The following SPRTN variants were observed in gnomAD, a reference collection of about 807,000 sequenced individuals.
SPRTN encodes the protein SprT-like N-terminal domain.
In SPRTN, 11 loss-of-function variants were observed where a neutral mutation model predicts 31.9. That is an observed-to-expected ratio of 0.34 (90% CI 0.22 to 0.57). The LOEUF is 0.57. SPRTN is among the 20% of genes least tolerant of loss of function. The pLI, the probability that SPRTN is intolerant of heterozygous loss-of-function variation, is 0.86. For synonymous variants in SPRTN, 185 were observed against 212.1 expected (o/e 0.87, Z 1.11); for missense variants, 482 against 590.1 (o/e 0.82, Z 1.90).
chr1:231,339,885 C>T lies in SPRTN; in HGVS notation c.321+17C>T. On this transcript the variant is annotated intron_variant, in intron 2 of 4. Transcript: ENST00000295050. ...CTTGTAGAGGTATTTTTCGTGTAAA[C>T]TTGCTTCCTAGCGCAGTAATTTACA... The T allele has an allele frequency of 6.2e-7, 1 of 1,610,336 alleles. No homozygotes were observed. Among genetic ancestry groups the T allele is most frequent in the African/African-American group, 1.3e-5 (1 of 74,940 alleles).
At chr1:231,343,786 C>T (rs1420217432) in intron 2 of SPRTN, among the ~76,000 whole-genome samples, 1 of 151,844 alleles carries the variant, frequency 6.6e-6, no homozygotes, top group Non-Finnish European at 1.5e-5. Context: ...ATCACTCCTG[C>T]GATTAAAACA....
chr1:231,353,881 C>A lies in SPRTN; in HGVS notation c.*520C>A. The A allele has an allele frequency of 1.1e-6, 1 of 946,102 alleles. No individual in the cohort carries two copies. Among genetic ancestry groups the A allele is most frequent in the South Asian group, 4.9e-5 (1 of 20,526 alleles). The allele number at this position is 946,102 out of a possible 1,614,324, so 58.6% of individuals were successfully genotyped here. On this transcript the variant is annotated 3_prime_UTR_variant, in exon 5 of 5. Coordinates refer to ENST00000295050, the MANE Select transcript of SPRTN (RefSeq NM_032018.7). ...TTATTAATTTTTTTGTTTGCAAAAT[C>A]TTAACAGGAACTGTATTTTCTATAT...
Position 231,353,590 on chromosome 1 carries a change from C to G in SPRTN, c.*229C>G. ...CCTTAGGTATACTGTAACCCAGGTT[C>G]TGCCTGTCGTGTATAAGTTTTAGAT... On this transcript the variant is annotated 3_prime_UTR_variant, in exon 5 of 5. Coordinates refer to ENST00000295050, the MANE Select transcript of SPRTN (RefSeq NM_032018.7). 1 of 1,194,562 alleles carries G rather than the reference C, an allele frequency of 8.4e-7. No individual in the cohort carries two copies. The highest frequency in any genetic ancestry group is 1.0e-6 in the Non-Finnish European group (1 of 963,096). The allele number at this position is 1,194,562 out of a possible 1,614,324, so 74.0% of individuals were successfully genotyped here.
chr1:231,340,712 C>T (rs1686855824), intron 2 of SPRTN, among the ~76,000 whole-genome samples: 1 of 151,874 alleles, frequency 6.6e-6, no homozygotes, highest in South Asian at 2.1e-4. Context: ...GCAGGAGGAT[C>T]TCTTGAACCC....
At chr1:231,342,440 T>C (rs1686922130) in intron 2 of SPRTN, among the ~76,000 whole-genome samples, 1 of 152,120 alleles carries the variant, frequency 6.6e-6, no homozygotes, top group Non-Finnish European at 1.5e-5. Flanking sequence ...TTTTATTTTT[T>C]GTTTTTTGAG....
chr1:231,342,883 C>T (rs776364803), intron 2 of SPRTN, among the ~76,000 whole-genome samples: 6 of 151,560 alleles, frequency 4.0e-5, no homozygotes, highest in African/African-American at 9.7e-5. Flanking sequence ...TACAGGCACC[C>T]GCCACCATGC....
chr1:231,338,952 C>T (rs777769016), intron 1 of SPRTN, among the ~76,000 whole-genome samples: 7 of 152,242 alleles, frequency 4.6e-5, no homozygotes, highest in East Asian at 1.9e-4. Flanking sequence ...ACCAAATCTG[C>T]ACCTAAGAAA....
Position 231,353,857 on chromosome 1 carries a change from TATTA to T in SPRTN, c.*500_*503del, listed in dbSNP as rs1687315389. 9.4e-6 allele frequency: 9 copies of T among 955,046 alleles called. No homozygotes were observed. The highest frequency in any genetic ancestry group is 1.1e-5 in the Non-Finnish European group (9 of 802,282). The allele number at this position is 955,046 out of a possible 1,614,324, so 59.2% of individuals were successfully genotyped here. A position where few individuals can be genotyped will look rare whatever the true frequency, so the allele number is the denominator to read the frequency against. On this transcript the variant is annotated 3_prime_UTR_variant, in exon 5 of 5. Coordinates refer to ENST00000295050, the MANE Select transcript of SPRTN (RefSeq NM_032018.7). Reference sequence around the variant, plus strand: ...TTTAGAGTACTCAAATTGTATTATTTATTAATTTTTTTGTTTGCAAAATCTTAAC... The same window carrying T: ...TTTAGAGTACTCAAATTGTATTATTTATTTTTTTGTTTGCAAAATCTTAAC...
chr1:231,353,632 G>T lies in SPRTN; in HGVS notation c.*271G>T. 3.7e-6 allele frequency: 4 copies of T among 1,089,666 alleles called. No homozygotes were observed. The highest frequency in any genetic ancestry group is 5.6e-5 in the East Asian group (1 of 17,784). The allele number at this position is 1,089,666 out of a possible 1,614,324, so 67.5% of individuals were successfully genotyped here. A position where few individuals can be genotyped will look rare whatever the true frequency, so the allele number is the denominator to read the frequency against. ...GTTTTAGATACTTTTGTTCTTTCTT[G>T]CTCTTAAGGATTTTAAAAACCTGTT... On this transcript the variant is annotated 3_prime_UTR_variant, in exon 5 of 5. Coordinates refer to ENST00000295050, the MANE Select transcript of SPRTN (RefSeq NM_032018.7).
At chr1:231,343,325 G>GTATA (rs139643266) in intron 2 of SPRTN, among the ~76,000 whole-genome samples, 13 of 148,196 alleles carry the variant, frequency 8.8e-5, no homozygotes, top group African/African-American at 3.0e-4. Flanking sequence ...CTAGGTGTGT[G>GTATA]TATATATATA....
At chr1:231,351,217 A>G in intron 3 of SPRTN, 87 bp from the exon 4 acceptor site, 1 of 1,175,882 alleles carries the variant, frequency 8.5e-7, no homozygotes, top group Non-Finnish European at 1.1e-6. Flanking sequence ...AAAAAAAAAA[A>G]AAAAAAAAAA....
At chr1:231,347,196 G>A (rs529857891) in intron 2 of SPRTN, among the ~76,000 whole-genome samples, 16 of 152,240 alleles carry the variant, frequency 1.1e-4, no homozygotes, top group African/African-American at 2.6e-4. Context: ...CTGAAAATCC[G>A]CAATGCTCCA....
In SPRTN at chr1:231,354,379, C is replaced by A. The variant is rs780459299; in HGVS notation, c.*1018C>A. Reference sequence around the variant, plus strand: ...CCTAACACAGTTGTTCACAAGTTTTCTTTTTTCTTGTTGCAATTTTCCTTC... The same window carrying A: ...CCTAACACAGTTGTTCACAAGTTTTATTTTTTCTTGTTGCAATTTTCCTTC... On this transcript the variant is annotated 3_prime_UTR_variant, in exon 5 of 5. Coordinates refer to ENST00000295050, the MANE Select transcript of SPRTN (RefSeq NM_032018.7). 2.0e-6 allele frequency: 2 copies of A among 985,274 alleles called. No homozygotes were observed. The highest frequency in any genetic ancestry group is 1.2e-6 in the Non-Finnish European group (1 of 829,814). The allele number at this position is 985,274 out of a possible 1,614,324, so 61.0% of individuals were successfully genotyped here. A position where few individuals can be genotyped will look rare whatever the true frequency, so the allele number is the denominator to read the frequency against.
Position 231,346,717 on chromosome 1 carries a change from C to G in SPRTN, c.322-1080C>G, listed in dbSNP as rs551360751. On this transcript the variant is annotated intron_variant, in intron 2 of 4. Coordinates refer to ENST00000295050, the MANE Select transcript of SPRTN (RefSeq NM_032018.7). ...CAGCACTTTGGGAGGCTGAGGCGGG[C>G]AGATTGCTTGAGGTCAGGAGTTTAA... Among the ~76,000 whole-genome samples the G allele has an allele frequency of 3.3e-5, 5 of 152,104 alleles. No homozygotes were observed. The South Asian group carries it at 1.0e-3, about 32-fold the overall frequency.
chr1:231,354,283 A>G lies in SPRTN; in HGVS notation c.*922A>G, dbSNP rs1687328442. 1 of 978,066 alleles carries G rather than the reference A, an allele frequency of 1.0e-6. No homozygotes were observed. The allele number at this position is 978,066 out of a possible 1,614,324, so 60.6% of individuals were successfully genotyped here. On this transcript the variant is annotated 3_prime_UTR_variant, in exon 5 of 5. Transcript: ENST00000295050. ...TTTTAAAAAAAATATTTTCCATGTT[A>G]TAGGGAAAGGACAAAGAGACTTTTA...
At chr1:231,340,045 A>T in intron 2 of SPRTN, 177 bp downstream of exon 2, 2 of 440,546 alleles carry the variant, frequency 4.5e-6, no homozygotes, top group Non-Finnish European at 4.0e-6. Flanking sequence ...AGTGCTTCAT[A>T]GTAAAAAAAA....
rs1687300634 is a variant in SPRTN, at chr1:231,353,371, CA to C, written c.*13del. On this transcript the variant is annotated 3_prime_UTR_variant, in exon 5 of 5. Coordinates refer to ENST00000295050, the MANE Select transcript of SPRTN (RefSeq NM_032018.7). ...CGAAGAAAGTCTTTGAAAAAGGTTTCAAAGTCTCAAGTACCACCTGTATTAT... is the reference window on the plus strand; with the variant it reads ...CGAAGAAAGTCTTTGAAAAAGGTTTCAAGTCTCAAGTACCACCTGTATTAT... The C allele has an allele frequency of 1.3e-6, 2 of 1,561,594 alleles. No homozygotes were observed. Among genetic ancestry groups the C allele is most frequent in the Non-Finnish European group, 1.7e-6 (2 of 1,160,246 alleles).
rs115843919 is a variant in SPRTN, at chr1:231,342,395, A to G, written c.321+2527A>G. On this transcript the variant is annotated intron_variant, in intron 2 of 4. Coordinates refer to ENST00000295050, the MANE Select transcript of SPRTN (RefSeq NM_032018.7). ...CCCCATATATAACAGTGGTCCCATA[A>G]GATTATAAGACCATATTTTTATTTA... is the stretch of plus-strand genomic sequence containing the variant. Among the ~76,000 whole-genome samples the G allele has an allele frequency of 7.3e-3, 1,112 of 152,222 alleles. 4 individuals carry two copies. The highest frequency in any genetic ancestry group is 0.011 in the Non-Finnish European group (770 of 67,992).
At position 231,353,001 on chromosome 1, in the gene SPRTN, A is replaced by C; in HGVS notation, c.1110A>C (p.Arg370Ser). The change falls in exon 5 of 5, where the codon AGA becomes AGC. Residue 370 changes from arginine (R) to serine (S), a missense_variant. Transcript: ENST00000295050. ...ACTCAGTCTCTTCTAGTTCTCAGAG[A>C]AGGGTTTCATCTTCTAAGATATCCC... ...PKNSVSSSSQ[R>S]RVSSSKISLR... is the part of the protein sequence containing the mutation. The C allele has an allele frequency of 1.9e-6, 3 of 1,614,142 alleles. 1 individual carries two copies. In the South Asian group the frequency reaches 3.3e-5, roughly 18 times the overall value.
Sources: gnomAD v4.1 joint callset for allele counts (sites outside exome capture counted in the v4.1 genomes callset) on GRCh38, gnomAD v4.1.1 for gene constraint, MANE v1.5 for transcripts, NCBI Gene and HGNC (gene_info 2026-07-23, HGNC 2026-07-21) for gene names.